The following TCF7 variants were observed in gnomAD, a reference collection of about 807,000 sequenced individuals.
TCF7 encodes the protein transcription factor 7, also known as T-cell-factor-7.
A neutral mutation model predicts 46.8 loss-of-function variants in TCF7; 19 were observed. The ratio of observed to expected loss-of-function variants is 0.41; its 90% CI spans 0.28 to 0.60. The LOEUF is 0.60. TCF7 is among the 20% of genes least tolerant of loss of function. The pLI is 0.35. For missense variants in TCF7, 547 were observed against 504.6 expected, an observed-to-expected ratio of 1.08 and a Z score of -0.81; for synonymous variants, 245 against 213.4, an observed-to-expected ratio of 1.15 and a Z score of -1.29.
rs1345749868 is a variant in TCF7 at position 134,146,887 on chromosome 5, A to T, written c.*584A>T. ...GCTACCTTCTCTACCCATCTCCCCC[A>T]TCCCCCACTGCCACACCCTCCCCAT... On this transcript the variant is annotated 3_prime_UTR_variant, in exon 10 of 10. Coordinates refer to ENST00000342854, the MANE Select transcript of TCF7 (RefSeq NM_003202.5). 1 of 287,546 alleles carries T rather than the reference A, an allele frequency of 3.5e-6. No homozygotes were observed. 17.8% of individuals were successfully genotyped at this position (287,546 alleles called of 1,614,324 possible).
At chr5:134,135,249 C>T (rs1037656592) in intron 3 of TCF7, among the ~76,000 whole-genome samples, 1 of 152,244 alleles carries the variant, frequency 6.6e-6, no homozygotes, top group Admixed American at 6.5e-5. Context: ...CATGAAGCCA[C>T]TGCGCCCAGC....
At chr5:134,145,462 A>T (rs1760559502) in intron 9 of TCF7, 1 of 555,652 alleles carries the variant, frequency 1.8e-6, no homozygotes, top group Admixed American at 2.7e-5. Context: ...TCACCATACA[A>T]CAGAGAAATA....
rs961629512 is a variant in TCF7, at chr5:134,146,593, A to G, written c.*290A>G. 2 of 694,176 alleles carry G rather than the reference A, an allele frequency of 2.9e-6. No homozygotes were observed. Among genetic ancestry groups the G allele is most frequent in the East Asian group, 2.7e-5 (1 of 37,252 alleles). The allele number at this position is 694,176 out of a possible 1,614,324, so 43.0% of individuals were successfully genotyped here. A position where few individuals can be genotyped will look rare whatever the true frequency, so the allele number is the denominator to read the frequency against. On this transcript the variant is annotated 3_prime_UTR_variant, in exon 10 of 10. Coordinates refer to ENST00000342854, the MANE Select transcript of TCF7 (RefSeq NM_003202.5). ...TGACAGAGACCCAGATCTCATGGAA[A>G]CTGGCCAGGGGTCCTGTTAACGTCA...
chr5:134,138,249 C>A, intron 4 of TCF7, 85 bp downstream of exon 4: 1 of 1,237,576 alleles, frequency 8.1e-7, no homozygotes, highest in Non-Finnish European at 1.2e-6. Context: ...TAGCTGGGTC[C>A]ATTTTATAAC....
At chr5:134,110,824 G>A (rs752709850), upstream of TCF7, among the ~76,000 whole-genome samples, 4 of 152,242 alleles carry the variant, frequency 2.6e-5, no homozygotes, top group Admixed American at 6.5e-5. Context: ...CAGAGTTCAC[G>A]TGGGCCTTTC....
At chr5:134,125,433 G>GC (rs1757216320) in intron 3 of TCF7, among the ~76,000 whole-genome samples, 1 of 152,154 alleles carries the variant, frequency 6.6e-6, no homozygotes, top group Non-Finnish European at 1.5e-5. Context: ...GACTGGCAGG[G>GC]CCCCACCCAC....
upstream of TCF7, among the ~76,000 whole-genome samples, chr5:134,110,625 G>T (rs1755315711): frequency 6.6e-6 from 1 of 152,262 alleles, no homozygotes; most frequent in South Asian, 2.1e-4. Context: ...AAGTGCTCCT[G>T]CCGAGAGCCA....
At chr5:134,115,698 G>T in intron 2 of TCF7, 2 of 1,430,120 alleles carry the variant, frequency 1.4e-6, no homozygotes, top group Non-Finnish European at 9.1e-7. Context: ...AGGGCGGGGG[G>T]TGGGAGGTCA....
rs367755408 is a variant in TCF7, at chr5:134,116,054, G to T, written c.441+21G>T. 2.5e-6 allele frequency: 4 copies of T among 1,600,030 alleles called. No homozygotes were observed. In the African/African-American group the frequency reaches 5.4e-5, roughly 21 times the overall value. ...CGCTGGTAAGTGGACCCCGCAGCCA[G>T]TGCCGCCCTGTGCTTGCAGCCTCCT... On this transcript the variant is annotated intron_variant, in intron 3 of 9. Coordinates refer to ENST00000342854, the MANE Select transcript of TCF7 (RefSeq NM_003202.5).
rs201918882 is a variant in TCF7 at position 134,143,062 on chromosome 5, A to T, written c.988A>T (p.Met330Leu). ...GGCCCGCAAGGAGAGGCAGCTGCACATGCAGCTATACCCAGGCTGGTCAGC... is the reference window on the plus strand; with the variant it reads ...GGCCCGCAAGGAGAGGCAGCTGCACTTGCAGCTATACCCAGGCTGGTCAGC... ...ELARKERQLH[M>L]QLYPGWSARD... is the part of the protein sequence containing the mutation. The change falls in exon 8 of 10, where the codon ATG becomes TTG. Residue 330 changes from methionine to leucine, a missense_variant. By Grantham distance (15) the Met-to-Leu change is conservative. Coordinates refer to ENST00000342854, the MANE Select transcript of TCF7 (RefSeq NM_003202.5). 20 of 1,611,122 alleles carry T rather than the reference A, an allele frequency of 1.2e-5. No homozygotes were observed. Among genetic ancestry groups the T allele is most frequent in the Non-Finnish European group, 1.5e-5 (18 of 1,178,718 alleles).
chr5:134,124,060 C>G (rs1163956589), intron 3 of TCF7, among the ~76,000 whole-genome samples: 1 of 152,040 alleles, frequency 6.6e-6, no homozygotes. Flanking sequence ...GGAACTCTAC[C>G]CCAGAGGTCA....
chr5:134,146,495 C>T lies in TCF7; in HGVS notation c.*192C>T. On this transcript the variant is annotated 3_prime_UTR_variant, in exon 10 of 10. Transcript: ENST00000342854. ...CCTGCAGAGCACACAGGTACAGCAA[C>T]AGGAATCTCAGAGACAGGTGGCCTA... The T allele has an allele frequency of 1.3e-6, 1 of 745,966 alleles. No homozygotes were observed. 46.2% of individuals were successfully genotyped at this position (745,966 alleles called of 1,614,324 possible). A position where few individuals can be genotyped will look rare whatever the true frequency, so the allele number is the denominator to read the frequency against.
chr5:134,146,291 G>A lies in TCF7; in HGVS notation c.1143G>A (p.Met381Ile), dbSNP rs1186750400. 7 of 1,614,170 alleles carry A rather than the reference G, an allele frequency of 4.3e-6. No individual in the cohort carries two copies. The highest frequency in any genetic ancestry group is 5.1e-6 in the Non-Finnish European group (6 of 1,180,026). The part of the protein sequence containing the change: ...KAAAPAPFLP[M>I]TVL The stretch of plus-strand genomic sequence containing the variant: ...CTGCCCCAGCCCCGTTCCTTCCGAT[G>A]ACAGTGCTCTAGGCTGCCCCGGGTC... The change falls in exon 10 of 10, where the codon ATG becomes ATA. Residue 381 changes from methionine (M) to isoleucine (I), a missense_variant. Physicochemically the swap from Met to Ile is conservative, Grantham distance 10. This residue lies in a region of TCF7 where 90 missense variants were observed against 88.8 expected (regional missense o/e 1.01). Transcript: ENST00000342854.
chr5:134,130,842 T>G (rs1758016513), intron 3 of TCF7, among the ~76,000 whole-genome samples: 1 of 152,180 alleles, frequency 6.6e-6, no homozygotes, highest in African/African-American at 2.4e-5. Context: ...CCACCTGCAC[T>G]GGACTCAACT....
At chr5:134,115,277 C>T (rs1194746657) in intron 1 of TCF7, 44 bp from the exon 2 acceptor site, 2 of 1,507,842 alleles carry the variant, frequency 1.3e-6, no homozygotes, top group Non-Finnish European at 1.8e-6. Context: ...GCCCCGACCC[C>T]CGCGGTCCCA....
intron 3 of TCF7, among the ~76,000 whole-genome samples, chr5:134,135,968 A>T (rs1006491785): frequency 2.0e-5 from 3 of 152,146 alleles, no homozygotes; most frequent in Non-Finnish European, 2.9e-5. Flanking sequence ...TAAAATGAAG[A>T]CTGAGAATTG....
At chr5:134,121,256 A>C (rs993802908) in intron 3 of TCF7, among the ~76,000 whole-genome samples, 1 of 151,698 alleles carries the variant, frequency 6.6e-6, no homozygotes, top group African/African-American at 2.4e-5. Context: ...TTTACATGAG[A>C]TGTTAGAAGC....
At chr5:134,144,376 G>A (rs1760350355) in intron 9 of TCF7, 2 of 235,078 alleles carry the variant, frequency 8.5e-6, no homozygotes, top group African/African-American at 4.5e-5. Context: ...TTGAAGGAAT[G>A]TAGGTCAAGA....
chr5:134,142,004 G>A, intron 5 of TCF7, 181 bp from the exon 6 acceptor site: 1 of 731,614 alleles, frequency 1.4e-6, no homozygotes, highest in Non-Finnish European at 2.1e-6. Flanking sequence ...GTGTGTCTGT[G>A]TAGTGTGCTG....
Sources: allele counts gnomAD v4.1 joint callset (sites outside exome capture counted in the v4.1 genomes callset), GRCh38; gene constraint gnomAD v4.1.1; regional missense constraint gnomAD v4.1.1; transcripts MANE v1.5; gene names NCBI Gene and HGNC (gene_info 2026-07-23, HGNC 2026-07-21).